GABRB2: variants seen among roughly 807,000 people sequenced by gnomAD.
GABRB2 encodes the protein gamma-aminobutyric acid type A receptor subunit beta2.
GABRB2 carries 16 observed loss-of-function variants against 54.7 expected under a neutral mutation model. That is an observed-to-expected ratio of 0.29 (90% CI 0.20 to 0.44). GABRB2 has a LOEUF of 0.44. Ranked by LOEUF, GABRB2 falls within the 20% of genes least tolerant of loss-of-function variation. GABRB2 has a pLI of 1.00. For missense variants in GABRB2, 355 were observed against 644.0 expected (o/e 0.55, Z 4.86); for synonymous variants, 244 against 233.8 (o/e 1.04, Z -0.40).
intron 5 of GABRB2, among the ~76,000 whole-genome samples, chr5:161,364,137 ATT>A (rs35071181): frequency 0.022 from 3,357 of 152,272 alleles, 57 homozygotes; most frequent in Non-Finnish European, 0.034. Context: ...ACACTATGTC[ATT>A]TTTAATGTAT....
Position 161,362,546 on chromosome 5 carries a change from A to G in GABRB2, c.542-25777T>C, listed in dbSNP as rs551563167. The stretch of plus-strand genomic sequence containing the variant: ...TGGCAAATGGGATCTAATTAAACTA[A>G]AGAGCTTCTGCACAGCAAAAGAAAC... On this transcript the variant is annotated intron_variant, in intron 5 of 9. Transcript: ENST00000393959. Among the ~76,000 whole-genome samples the G allele has an allele frequency of 3.9e-5, 6 of 152,320 alleles. No homozygotes were observed. The South Asian group carries it at 1.0e-3, about 26-fold the overall frequency.
In GABRB2 at chr5:161,386,900, A is replaced by C. The variant is rs147390243; in HGVS notation, c.541+24075T>G. On this transcript the variant is annotated intron_variant, in intron 5 of 9. Coordinates refer to ENST00000393959, the MANE Select transcript of GABRB2 (RefSeq NM_001371727.1). ...ACACAAAACCTAGAAGTCAGAAGGCAAGAAGACTAGCTGACTTGACCGCGT... is the reference window on the plus strand; with the variant it reads ...ACACAAAACCTAGAAGTCAGAAGGCCAGAAGACTAGCTGACTTGACCGCGT... Among the ~76,000 whole-genome samples, 1,122 of 152,138 alleles carry C rather than the reference A, an allele frequency of 7.4e-3. 15 individuals carry two copies. Among genetic ancestry groups the C allele is most frequent in the African/African-American group, 0.024 (1,014 of 41,512 alleles).
intron 5 of GABRB2, among the ~76,000 whole-genome samples, chr5:161,380,520 T>C (rs1755433207): frequency 6.6e-6 from 1 of 152,150 alleles, no homozygotes; most frequent in Admixed American, 6.6e-5. Context: ...CCTTGAGGCA[T>C]TGAGAGTTGA....
At chr5:161,325,422 CA>C (rs534623092) in intron 9 of GABRB2, among the ~76,000 whole-genome samples, 56 of 152,042 alleles carry the variant, frequency 3.7e-4, no homozygotes, top group Non-Finnish European at 7.4e-4. Flanking sequence ...GACAAAATAC[CA>C]GCACAAAGGA....
intron 5 of GABRB2, among the ~76,000 whole-genome samples, chr5:161,357,025 A>C (rs1754652080): frequency 6.6e-6 from 1 of 152,234 alleles, no homozygotes; most frequent in Non-Finnish European, 1.5e-5. Context: ...TTGAAAATAC[A>C]TTTTAGCAGG....
At chr5:161,366,106 C>A (rs1245655243) in intron 5 of GABRB2, among the ~76,000 whole-genome samples, 1 of 150,818 alleles carries the variant, frequency 6.6e-6, no homozygotes, top group Non-Finnish European at 1.5e-5. Flanking sequence ...TGTCAGGGAG[C>A]ATTTTGTTCT....
chr5:161,477,870 G>C (rs1421835678), intron 3 of GABRB2, among the ~76,000 whole-genome samples: 2 of 151,894 alleles, frequency 1.3e-5, no homozygotes, highest in Non-Finnish European at 2.9e-5. Context: ...AAGAAAAAGA[G>C]TTCTCAAGAT....
intron 4 of GABRB2, among the ~76,000 whole-genome samples, chr5:161,419,938 A>C (rs939015648): frequency 6.6e-6 from 1 of 152,170 alleles, no homozygotes; most frequent in East Asian, 1.9e-4. Context: ...AAGAAACCTG[A>C]TCATGTAACC....
chr5:161,454,023 G>C (rs1226040663), intron 4 of GABRB2, among the ~76,000 whole-genome samples: 1 of 144,738 alleles, frequency 6.9e-6, no homozygotes, highest in Non-Finnish European at 1.5e-5. Flanking sequence ...TGGAGACAGA[G>C]TGAGATTCCA....
At chr5:161,359,864 C>T (rs781747079) in intron 5 of GABRB2, among the ~76,000 whole-genome samples, 2 of 152,040 alleles carry the variant, frequency 1.3e-5, no homozygotes, top group African/African-American at 2.4e-5. Context: ...AGGTAGATCA[C>T]GAGGTCAAGA....
intron 5 of GABRB2, among the ~76,000 whole-genome samples, chr5:161,361,044 A>G (rs1403057675): frequency 1.3e-5 from 2 of 151,924 alleles, no homozygotes; most frequent in Non-Finnish European, 2.9e-5. Flanking sequence ...AAGATACTGC[A>G]CTACAATAAT....
At chr5:161,326,910 G>A (rs1026673996) in intron 8 of GABRB2, 14 of 752,878 alleles carry the variant, frequency 1.9e-5, no homozygotes, top group East Asian at 1.3e-4. Flanking sequence ...TCAAATATGC[G>A]TGTTCTTAGT....
At chr5:161,497,355 T>C (rs1759283017) in intron 3 of GABRB2, among the ~76,000 whole-genome samples, 1 of 152,100 alleles carries the variant, frequency 6.6e-6, no homozygotes, top group African/African-American at 2.4e-5. Flanking sequence ...TGATGGACAT[T>C]AGCACTTCTC....
Position 161,463,555 on chromosome 5 carries a change from T to TAGATATATA in GABRB2, c.238-3712_238-3711insTATATATCT, listed in dbSNP as rs1236064276. ...ACAAGGTGATTCCAAATATTTTTAT[T>TAGATATATA]TATATATATATATATATATATATAT... is the stretch of plus-strand genomic sequence containing the variant. On this transcript the variant is annotated intron_variant, in intron 3 of 9. Coordinates refer to ENST00000393959, the MANE Select transcript of GABRB2 (RefSeq NM_001371727.1). Among the ~76,000 whole-genome samples the TAGATATATA allele has an allele frequency of 6.8e-4, 16 of 23,700 alleles. 2 individuals are homozygous for TAGATATATA. The highest frequency in any genetic ancestry group is 2.8e-3 in the African/African-American group (16 of 5,630). 15.5% of individuals were successfully genotyped at this position (23,700 alleles called of 152,430 possible). A position where few individuals can be genotyped will look rare whatever the true frequency, so the allele number is the denominator to read the frequency against.
chr5:161,471,002 A>G (rs1389230157), intron 3 of GABRB2, among the ~76,000 whole-genome samples: 1 of 151,942 alleles, frequency 6.6e-6, no homozygotes, highest in Non-Finnish European at 1.5e-5. Flanking sequence ...TTTAGTCATC[A>G]TTATTCCTGA....
chr5:161,373,824 T>C (rs1755202846), intron 5 of GABRB2, among the ~76,000 whole-genome samples: 1 of 152,186 alleles, frequency 6.6e-6, no homozygotes, highest in Non-Finnish European at 1.5e-5. Context: ...GTCTTTATTC[T>C]CTAAACCACA....
At chr5:161,455,679 C>G (rs1581000629) in intron 4 of GABRB2, among the ~76,000 whole-genome samples, 1 of 151,976 alleles carries the variant, frequency 6.6e-6, no homozygotes, top group Admixed American at 6.6e-5. Context: ...ACTACAGGCA[C>G]ATGCCACCAC....
At chr5:161,510,153 T>C (rs562717729) in intron 3 of GABRB2, among the ~76,000 whole-genome samples, 2 of 151,990 alleles carry the variant, frequency 1.3e-5, no homozygotes, top group South Asian at 2.1e-4. Context: ...CTTTTAGTCA[T>C]TTAAAAATGT....
intron 4 of GABRB2, among the ~76,000 whole-genome samples, chr5:161,439,784 A>T (rs994777294): frequency 2.6e-5 from 4 of 151,912 alleles, no homozygotes; most frequent in Admixed American, 6.6e-5. Context: ...ATACATGGAC[A>T]TGTGGTGGGG....
Sources: allele counts gnomAD v4.1 joint callset (sites outside exome capture counted in the v4.1 genomes callset), GRCh38; gene constraint gnomAD v4.1.1; transcripts MANE v1.5; gene names NCBI Gene and HGNC (gene_info 2026-07-23, HGNC 2026-07-21).